CLCN7: variants seen among roughly 807,000 people sequenced by gnomAD.
CLCN7 encodes the protein H(+)/Cl(-) exchange transporter 7.
A neutral mutation model predicts 102.1 loss-of-function variants in CLCN7; 60 were observed. The ratio of observed to expected loss-of-function variants is 0.59; its 90% CI spans 0.48 to 0.73. The LOEUF is 0.73. Among genes scored for constraint, CLCN7 ranks in the 30% least tolerant of loss-of-function variants. CLCN7 has a pLI of 0.00. For synonymous variants in CLCN7, 560 were observed against 490.5 expected, an observed-to-expected ratio of 1.14 and a Z score of -1.87; for missense variants, 962 against 1,125.7, an observed-to-expected ratio of 0.85 and a Z score of 2.08.
At chr16:1,464,540 G>C (rs530782054) in intron 2 of CLCN7, among the ~76,000 whole-genome samples, 1 of 152,264 alleles carries the variant, frequency 6.6e-6, no homozygotes, top group Non-Finnish European at 1.5e-5. Context: ...TGAGCACGGC[G>C]CCGGCCTCGG....
chr16:1,465,396 A>G, intron 1 of CLCN7, 58 bp from the exon 2 acceptor site: 1 of 1,484,172 alleles, frequency 6.7e-7, no homozygotes, highest in Non-Finnish European at 9.3e-7. Context: ...TGCTCCGTGG[A>G]TTCTCACTCC....
At position 1,459,216 on chromosome 16, in the gene CLCN7, G is replaced by C. The variant is rs368393066; in HGVS notation, c.595-29C>G. On this transcript the variant is annotated intron_variant, in intron 6 of 24. Coordinates refer to ENST00000382745, the MANE Select transcript of CLCN7 (RefSeq NM_001287.6). Reference sequence around the variant, plus strand: ...AAAGAGGGGAAGCACGGCTGAGTGGGTCACGGCCAGGCTGAGACAGATGCA... The same window carrying C: ...AAAGAGGGGAAGCACGGCTGAGTGGCTCACGGCCAGGCTGAGACAGATGCA... The C allele has an allele frequency of 9.5e-6, 15 of 1,586,282 alleles. No individual in the cohort carries two copies. In the South Asian group the frequency reaches 1.7e-4, roughly 18 times the overall value.
At chr16:1,468,288 G>A (rs1302063716) in intron 1 of CLCN7, among the ~76,000 whole-genome samples, 1 of 152,166 alleles carries the variant, frequency 6.6e-6, no homozygotes, top group Non-Finnish European at 1.5e-5. Context: ...CACCGCCGCC[G>A]CCTTGGCAGA....
At chr16:1,456,766 G>C (rs1325348816) in intron 9 of CLCN7, among the ~76,000 whole-genome samples, 2 of 151,874 alleles carry the variant, frequency 1.3e-5, no homozygotes, top group African/African-American at 4.8e-5. Context: ...GCTTGAACCT[G>C]GGAGGTGGAG....
chr16:1,452,965 C>G (rs1192023453), intron 14 of CLCN7, 72 bp from the exon 15 acceptor site: 26 of 1,542,174 alleles, frequency 1.7e-5, no homozygotes, highest in Non-Finnish European at 2.3e-5. Context: ...CATGGCAACT[C>G]GAGTCCCTGA....
At chr16:1,450,959 T>C (rs1432784745) in intron 16 of CLCN7, among the ~76,000 whole-genome samples, 3 of 152,168 alleles carry the variant, frequency 2.0e-5, no homozygotes, top group African/African-American at 7.2e-5. Context: ...CAGCGCCAGG[T>C]CTACACTCCA....
At chr16:1,448,620 C>G (rs2038692363) in intron 20 of CLCN7, 61 bp downstream of exon 20, 2 of 1,606,444 alleles carry the variant, frequency 1.2e-6, no homozygotes, top group Non-Finnish European at 1.7e-6. Flanking sequence ...TGCACCCTGC[C>G]CCTGTGCAAC....
In CLCN7 at chr16:1,446,058, G is replaced by A. The variant is rs1229878121; in HGVS notation, c.*573C>T. ...AGTGCACGTGGGGCTCCTCTGTGGC[G>A]CCAGTGTGAAGCTGCTCTCCGGGGC... On this transcript the variant is annotated 3_prime_UTR_variant, in exon 25 of 25. Coordinates refer to ENST00000382745, the MANE Select transcript of CLCN7 (RefSeq NM_001287.6). The A allele has an allele frequency of 1.7e-5, 10 of 577,692 alleles. No homozygotes were observed. The highest frequency in any genetic ancestry group is 1.1e-4 in the South Asian group (5 of 45,806). The allele number at this position is 577,692 out of a possible 1,614,324, so 35.8% of individuals were successfully genotyped here. A position where few individuals can be genotyped will look rare whatever the true frequency, so the allele number is the denominator to read the frequency against.
At chr16:1,449,403 C>A in intron 17 of CLCN7, 76 bp from the exon 18 acceptor site, 2 of 1,430,212 alleles carry the variant, frequency 1.4e-6, no homozygotes, top group Non-Finnish European at 1.9e-6. Flanking sequence ...ACGGAGGAGG[C>A]CCTGCCCAGG....
At chr16:1,465,845 G>T (rs1413445491) in intron 1 of CLCN7, among the ~76,000 whole-genome samples, 3 of 152,224 alleles carry the variant, frequency 2.0e-5, no homozygotes, top group African/African-American at 7.2e-5. Flanking sequence ...GGCAGAGCTG[G>T]GTGGGGTCTC....
chr16:1,455,892 T>A (rs2038827948), intron 10 of CLCN7, 97 bp from the exon 11 acceptor site: 1 of 1,376,658 alleles, frequency 7.3e-7, no homozygotes, highest in Admixed American at 1.8e-5. Context: ...CCAGACCACG[T>A]CAGAAAGAAG....
chr16:1,461,044 T>G, intron 4 of CLCN7, 96 bp from the exon 5 acceptor site: 12 of 1,481,578 alleles, frequency 8.1e-6, no homozygotes, highest in Non-Finnish European at 1.0e-5. Context: ...GCCCCGGGAT[T>G]ATGAAGGGCC....
chr16:1,468,751 G>A (rs111926426), intron 1 of CLCN7, among the ~76,000 whole-genome samples: 1,722 of 141,522 alleles, frequency 0.012, 41 homozygotes, highest in African/African-American at 0.042. Context: ...TGGTGCTTAC[G>A]CGGATCTACA....
At chr16:1,474,233 C>T (rs1443016259) in intron 1 of CLCN7, 10 of 455,538 alleles carry the variant, frequency 2.2e-5, no homozygotes, top group Admixed American at 1.4e-4. Context: ...TTGTGTTTGC[C>T]TGCACATTGC....
chr16:1,459,049 C>A (rs2038883973), intron 7 of CLCN7, 58 bp downstream of exon 7: 2 of 1,434,196 alleles, frequency 1.4e-6, no homozygotes, highest in East Asian at 2.3e-5. Context: ...GAGAGCTGCT[C>A]CTGAACCAGC....
intron 16 of CLCN7, 99 bp downstream of exon 16, chr16:1,451,524 G>A: frequency 1.0e-6 from 1 of 980,530 alleles, no homozygotes; most frequent in Non-Finnish European, 1.6e-6. Flanking sequence ...TGACCCCCCA[G>A]CCCAGGGCTG....
intron 1 of CLCN7, among the ~76,000 whole-genome samples, chr16:1,465,823 G>C (rs1037919338): frequency 6.6e-6 from 1 of 152,192 alleles, no homozygotes; most frequent in Non-Finnish European, 1.5e-5. Context: ...CCCACAGGAC[G>C]CCCAGCTGTC....
chr16:1,448,204 A>G lies in CLCN7; in HGVS notation c.2013+151T>C, dbSNP rs908716168. 4 of 1,089,590 alleles carry G rather than the reference A, an allele frequency of 3.7e-6. No individual in the cohort carries two copies. In the African/African-American group the frequency reaches 6.2e-5, roughly 17 times the overall value. The allele number at this position is 1,089,590 out of a possible 1,614,324, so 67.5% of individuals were successfully genotyped here. A position where few individuals can be genotyped will look rare whatever the true frequency, so the allele number is the denominator to read the frequency against. ...AGCCTCAGCGTCCACACAGCCCTCCATGGCTGCACACTCAGCTTCCGGCAC... is the reference window on the plus strand; with the variant it reads ...AGCCTCAGCGTCCACACAGCCCTCCGTGGCTGCACACTCAGCTTCCGGCAC... On this transcript the variant is annotated intron_variant, in intron 21 of 24. Transcript: ENST00000382745.
At chr16:1,474,453 G>A (rs2039123284) in intron 1 of CLCN7, 1 of 340,658 alleles carries the variant, frequency 2.9e-6, no homozygotes, top group South Asian at 2.3e-5. Context: ...CGTGTAGGAT[G>A]ACAATTTTTA....
Sources: gnomAD v4.1 joint callset for allele counts (sites outside exome capture counted in the v4.1 genomes callset) on GRCh38, gnomAD v4.1.1 for gene constraint, MANE v1.5 for transcripts, NCBI Gene and HGNC (gene_info 2026-07-23, HGNC 2026-07-21) for gene names.